Variants in THRB observed in about 807,000 individuals in gnomAD.
THRB encodes thyroid hormone receptor beta, also known as nuclear receptor subfamily 1 group A member 2.
In THRB, 12 loss-of-function variants were observed where a neutral mutation model predicts 47.8. The ratio of observed to expected loss-of-function variants is 0.25; its 90% confidence interval spans 0.16 to 0.41. The LOEUF (loss-of-function observed/expected upper bound fraction) is 0.41, where lower values mean the gene tolerates loss of function less well. THRB is among the 10% of genes least tolerant of loss of function. The pLI is 1.00. For synonymous variants in THRB, 218 were observed against 212.2 expected, an observed-to-expected ratio of 1.03 and a Z score of -0.24; for missense variants, 348 against 589.2, an observed-to-expected ratio of 0.59 and a Z score of 4.24.
chr3:24,164,722 C>T (rs1002741627), intron 5 of THRB, among the ~76,000 whole-genome samples: 4 of 152,120 alleles, frequency 2.6e-5, no homozygotes, highest in African/African-American at 7.2e-5. Context: ...AGAAGGAAAC[C>T]TTTCACATAT....
At chr3:24,184,601 C>T (rs572397577) in intron 5 of THRB, among the ~76,000 whole-genome samples, 1 of 152,174 alleles carries the variant, frequency 6.6e-6, no homozygotes, top group South Asian at 2.1e-4. Context: ...CCCCAGTATA[C>T]GTATGGGGTA....
chr3:24,317,616 AAACAC>A (rs565073338), intron 2 of THRB, among the ~76,000 whole-genome samples: 106 of 152,148 alleles, frequency 7.0e-4, no homozygotes, highest in African/African-American at 2.5e-3. Context: ...AAGGCATACA[AAACAC>A]AACACAACAC....
chr3:24,171,018 C>T (rs757631076), intron 5 of THRB, among the ~76,000 whole-genome samples: 1 of 152,174 alleles, frequency 6.6e-6, no homozygotes, highest in Non-Finnish European at 1.5e-5. Flanking sequence ...AAACTTACCT[C>T]AGTTGAGGTT....
intron 1 of THRB, among the ~76,000 whole-genome samples, chr3:24,422,069 C>A (rs1488145018): frequency 6.6e-6 from 1 of 151,950 alleles, no homozygotes; most frequent in Non-Finnish European, 1.5e-5. Context: ...CTTCAACCAA[C>A]AATGACTATA....
At chr3:24,154,754 C>A (rs2037543224) in intron 5 of THRB, among the ~76,000 whole-genome samples, 1 of 152,018 alleles carries the variant, frequency 6.6e-6, no homozygotes, top group African/African-American at 2.4e-5. Context: ...ATATACAGAC[C>A]CATACTGTCA....
chr3:24,199,021 GC>G (rs146984744), intron 4 of THRB, among the ~76,000 whole-genome samples: 37 of 152,276 alleles, frequency 2.4e-4, no homozygotes, highest in African/African-American at 8.4e-4. Context: ...GATTTATGGA[GC>G]ATTTATTTAA....
intron 4 of THRB, among the ~76,000 whole-genome samples, chr3:24,212,494 C>A (rs1429767230): frequency 2.1e-5 from 3 of 139,606 alleles, no homozygotes; most frequent in African/African-American, 7.8e-5. Flanking sequence ...AGGAAAATCA[C>A]TTGAACTTGG....
intron 1 of THRB, among the ~76,000 whole-genome samples, chr3:24,474,708 T>G (rs1695191061): frequency 6.6e-6 from 1 of 152,156 alleles, no homozygotes; most frequent in Non-Finnish European, 1.5e-5. Flanking sequence ...ATCCTCAATT[T>G]TTCAATGGCT....
In THRB at chr3:24,133,398, G is replaced by A. The variant is rs750905761; in HGVS notation, c.803C>T (p.Ala268Val). 1 of 1,614,092 alleles carries A rather than the reference G, an allele frequency of 6.2e-7. No homozygotes were observed. Among genetic ancestry groups the A allele is most frequent in the Non-Finnish European group, 8.5e-7 (1 of 1,179,994 alleles). Residue 268 changes from alanine to valine, a missense_variant, in exon 9 of 11, where the codon GCC becomes GTC. This residue lies in a region of THRB where 45 missense variants were observed against 156.2 expected (regional missense o/e 0.29). Coordinates refer to ENST00000646209, the MANE Select transcript of THRB (RefSeq NM_001354712.2). Reference sequence around the variant, plus strand: ...GATGATTTTTGTAAAATGGCTGAAGGCTTCCAAGTCAACCTTTCCACCTTC... The same window carrying A: ...GATGATTTTTGTAAAATGGCTGAAGACTTCCAAGTCAACCTTTCCACCTTC... ...APEGGKVDLEAFSHFTKIITP... is the reference protein window; with the variant it reads ...APEGGKVDLEVFSHFTKIITP...
chr3:24,326,362 A>G (rs2061593774), intron 2 of THRB, among the ~76,000 whole-genome samples: 1 of 151,930 alleles, frequency 6.6e-6, no homozygotes, highest in African/African-American at 2.4e-5. Flanking sequence ...CAGCCTCCCA[A>G]GTAGCTGGGA....
intron 1 of THRB, chr3:24,455,153 G>A (rs2073049490): frequency 8.1e-6 from 1 of 123,248 alleles, no homozygotes; most frequent in African/African-American, 3.0e-5. Context: ...TATTGAGTAG[G>A]AAGTTTACAT....
intron 1 of THRB, among the ~76,000 whole-genome samples, chr3:24,402,547 A>G (rs1046370208): frequency 2.0e-5 from 3 of 149,550 alleles, no homozygotes; most frequent in Non-Finnish European, 4.4e-5. Flanking sequence ...TAACAAAAGT[A>G]GAAAATAAAA....
intron 5 of THRB, among the ~76,000 whole-genome samples, chr3:24,180,907 C>T (rs2041812910): frequency 6.6e-6 from 1 of 152,130 alleles, no homozygotes; most frequent in Admixed American, 6.5e-5. Flanking sequence ...TCAAAGCCTC[C>T]CTGCCCTGGA....
chr3:24,261,517 AAC>A (rs1370467465), intron 3 of THRB, among the ~76,000 whole-genome samples: 46 of 141,304 alleles, frequency 3.3e-4, no homozygotes, highest in East Asian at 1.0e-3. Context: ...AAAAAAAAAA[AAC>A]CAAAAAAAAC....
chr3:24,313,520 G>A (rs1217161011), intron 2 of THRB, among the ~76,000 whole-genome samples: 2 of 152,078 alleles, frequency 1.3e-5, no homozygotes, highest in East Asian at 1.9e-4. Context: ...ATTACCAAAA[G>A]CCATTGAAAA....
At chr3:24,476,313 C>A (rs1695442821) in intron 1 of THRB, among the ~76,000 whole-genome samples, 1 of 152,148 alleles carries the variant, frequency 6.6e-6, no homozygotes, top group Admixed American at 6.5e-5. Context: ...GTGTTCATAG[C>A]TTCAGAGGGA....
chr3:24,167,941 TTCTC>T (rs993474855), intron 5 of THRB, among the ~76,000 whole-genome samples: 11 of 152,214 alleles, frequency 7.2e-5, no homozygotes, highest in Middle Eastern at 6.8e-3. Context: ...CTGAAAAACT[TTCTC>T]TCTCTTTTTA....
At chr3:24,449,237 T>A (rs2072407039) in intron 1 of THRB, among the ~76,000 whole-genome samples, 1 of 152,130 alleles carries the variant, frequency 6.6e-6, no homozygotes, top group East Asian at 1.9e-4. Context: ...ATATAAGGAG[T>A]GTTCCTTATT....
chr3:24,472,342 C>T (rs1694825045), intron 1 of THRB, among the ~76,000 whole-genome samples: 2 of 152,152 alleles, frequency 1.3e-5, no homozygotes, highest in South Asian at 4.1e-4. Context: ...GACAAAACAA[C>T]ACATATCCCA....
Sources: gnomAD v4.1 joint callset for allele counts (sites outside exome capture counted in the v4.1 genomes callset) on GRCh38, gnomAD v4.1.1 for gene constraint, gnomAD v4.1.1 regional missense constraint, MANE v1.5 for transcripts, NCBI Gene and HGNC (gene_info 2026-07-23, HGNC 2026-07-21) for gene names.